The following CR1 variants were observed in gnomAD, a reference collection of about 807,000 sequenced individuals.
The protein encoded by CR1 is complement C3b/C4b receptor 1 (Knops blood group), also known as complement receptor type 1.
Under a neutral mutation model 187.3 loss-of-function variants are expected in CR1, and 116 were observed. The ratio of observed to expected loss-of-function variants is 0.62; its 90% confidence interval spans 0.53 to 0.72. The LOEUF is 0.72. Among genes scored for constraint, CR1 ranks in the 30% least tolerant of loss-of-function variants. CR1 has a pLI of 0.00. For missense variants in CR1, 1,731 were observed against 2,110.7 expected (o/e 0.82, Z 3.52); for synonymous variants, 576 against 747.1 (o/e 0.77, Z 3.73).
At chr1:207,582,141 C>A in intron 32 of CR1, 138 bp downstream of exon 32, 1 of 514,420 alleles carries the variant, frequency 1.9e-6, no homozygotes, top group Non-Finnish European at 3.5e-6. Flanking sequence ...GGAATAGATA[C>A]AAGCAATGTT....
At position 207,505,993 on chromosome 1, in the gene CR1, T is replaced by G. The variant is rs757833188; in HGVS notation, c.211T>G (p.Tyr71Asp). The stretch of plus-strand genomic sequence containing the variant: ...GTTTCCCATTGGGACATATCTGAAC[T>G]ATGAATGCCGCCCTGGTTATTCCGG... ...FEFPIGTYLNYECRPGYSGRP... is the reference protein window; with the variant it reads ...FEFPIGTYLNDECRPGYSGRP... Residue 71 changes from tyrosine to aspartate, a missense_variant, in exon 2 of 47, where the codon TAT becomes GAT. Physicochemically the swap from Tyr to Asp is radical, Grantham distance 160. Coordinates refer to ENST00000367049, the MANE Select transcript of CR1 (RefSeq NM_000651.6). 2 of 1,614,008 alleles carry G rather than the reference T, an allele frequency of 1.2e-6. No individual in the cohort carries two copies. The highest frequency in any genetic ancestry group is 1.7e-6 in the Non-Finnish European group (2 of 1,179,878).
At chr1:207,567,371 G>A (rs1341350556) in intron 24 of CR1, among the ~76,000 whole-genome samples, 4 of 149,154 alleles carry the variant, frequency 2.7e-5, no homozygotes, top group Non-Finnish European at 5.9e-5. Context: ...ATCAGTGAAA[G>A]GTTTCACCTA....
intron 46 of CR1, among the ~76,000 whole-genome samples, chr1:207,635,940 G>T (rs2102421098): frequency 6.6e-6 from 1 of 152,268 alleles, no homozygotes; most frequent in Middle Eastern, 3.4e-3. Flanking sequence ...GGAAGCACAG[G>T]GTTGGGGGTA....
intron 43 of CR1, 38 bp downstream of exon 43, chr1:207,620,103 C>T: frequency 6.3e-7 from 1 of 1,577,796 alleles, no homozygotes; most frequent in Non-Finnish European, 8.6e-7. Flanking sequence ...TCTTCCCGGT[C>T]ATGGTTATTG....
Position 207,523,946 on chromosome 1 carries a change from C to A in CR1, c.823C>A (p.Pro275Thr), listed in dbSNP as rs764103311. The change falls in exon 5 of 47, where the codon CCC (proline) becomes ACC (threonine). Residue 275 changes from proline to threonine, a missense_variant. By Grantham distance (38) the Pro-to-Thr change is conservative. Coordinates refer to ENST00000367049, the MANE Select transcript of CR1 (RefSeq NM_000651.6). ...RCQPGFVMKG[P>T]RRVKCQALNK... is the part of the protein sequence containing the mutation. Reference sequence around the variant, plus strand: ...TCAGCCTGGCTTTGTCATGAAAGGACCCCGCCGTGTGAAGTGCCAGGCCCT... The same window carrying A: ...TCAGCCTGGCTTTGTCATGAAAGGAACCCGCCGTGTGAAGTGCCAGGCCCT... The A allele has an allele frequency of 1.9e-5, 30 of 1,611,612 alleles. No homozygotes were observed. The highest frequency in any genetic ancestry group is 2.5e-5 in the Non-Finnish European group (30 of 1,179,720).
At chr1:207,599,028 T>C (rs1046598076) in intron 35 of CR1, 1 of 152,198 alleles carries the variant, frequency 6.6e-6, no homozygotes, top group Non-Finnish European at 1.5e-5. Context: ...CAGAGTGACA[T>C]ACGGGAGAAT....
chr1:207,630,033 T>C lies in CR1; in HGVS notation c.7353-484T>C, dbSNP rs1385778053. On this transcript the variant is annotated intron_variant, in intron 45 of 46. Transcript: ENST00000367049. ...AAAGTGAGTAAATATTTCTTTTTAC[T>C]GTTAGTTCTTAAATACCTTCATGAC... 2.0e-5 allele frequency among the ~76,000 whole-genome samples: 3 copies of C among 152,242 alleles called. No homozygotes were observed. The East Asian group carries it at 5.8e-4, about 29-fold the overall frequency.
chr1:207,582,521 T>C (rs1336995781), intron 32 of CR1, among the ~76,000 whole-genome samples: 2 of 152,224 alleles, frequency 1.3e-5, no homozygotes, highest in Non-Finnish European at 2.9e-5. Context: ...AATGTTCAAA[T>C]GATACTAAGT....
intron 46 of CR1, among the ~76,000 whole-genome samples, chr1:207,633,922 C>T (rs929179189): frequency 6.6e-6 from 1 of 152,042 alleles, no homozygotes; most frequent in Non-Finnish European, 1.5e-5. Context: ...GTCAACGGGG[C>T]TTTGTTCTCT....
intron 43 of CR1, among the ~76,000 whole-genome samples, 177 bp downstream of exon 43, chr1:207,620,242 T>G (rs766510488): frequency 6.6e-6 from 1 of 152,348 alleles, no homozygotes; most frequent in African/African-American, 2.4e-5. Flanking sequence ...CCAGACTTCC[T>G]CTTCTCATAC....
chr1:207,608,678 A>AG (rs561874601), intron 36 of CR1, among the ~76,000 whole-genome samples: 134 of 152,288 alleles, frequency 8.8e-4, no homozygotes, highest in African/African-American at 3.1e-3. Context: ...CACCTTTTGT[A>AG]GGGGGTTATC....
chr1:207,609,434 G>A lies in CR1; in HGVS notation c.6041G>A (p.Arg2014Gln), dbSNP rs200742776. The A allele has an allele frequency of 2.2e-5, 36 of 1,613,824 alleles. No homozygotes were observed. The highest frequency in any genetic ancestry group is 9.3e-5 in the African/African-American group (7 of 74,904). The change falls in exon 37 of 47, where the codon CGG becomes CAG. Residue 2014 changes from arginine to glutamine, a missense_variant. Arg to Gln is a conservative substitution (Grantham distance 43). Coordinates refer to ENST00000367049, the MANE Select transcript of CR1 (RefSeq NM_000651.6). ...CAGCTGTTTGAGCTTGTGGGAGAACGGTCAATATATTGCACCAGCAAAGAT... is the reference window on the plus strand; with the variant it reads ...CAGCTGTTTGAGCTTGTGGGAGAACAGTCAATATATTGCACCAGCAAAGAT... ...GEQLFELVGERSIYCTSKDDQ... is the reference protein window; with the variant it reads ...GEQLFELVGEQSIYCTSKDDQ...
At chr1:207,591,894 G>T (rs1001420478) in intron 35 of CR1, among the ~76,000 whole-genome samples, 9 of 152,098 alleles carry the variant, frequency 5.9e-5, no homozygotes, top group African/African-American at 2.2e-4. Context: ...GACTAAAACA[G>T]GAAGAAGTCG....
At chr1:207,496,419 C>A in intron 1 of CR1, 31 bp downstream of exon 1, 3 of 1,581,540 alleles carry the variant, frequency 1.9e-6, no homozygotes, top group South Asian at 1.1e-5. Context: ...GGGAGGCGCC[C>A]GGGCGGACGA....
chr1:207,566,093 T>C (rs1431306096), intron 24 of CR1, among the ~76,000 whole-genome samples, 170 bp downstream of exon 24: 1 of 150,416 alleles, frequency 6.6e-6, no homozygotes, highest in African/African-American at 2.5e-5. Context: ...ATCACCTGTC[T>C]TTGCAACCAT....
intron 35 of CR1, among the ~76,000 whole-genome samples, chr1:207,595,460 A>T (rs1390851215): frequency 6.6e-6 from 1 of 152,076 alleles, no homozygotes; most frequent in Non-Finnish European, 1.5e-5. Context: ...ATCCAAATAT[A>T]AAAAAATACT....
intron 35 of CR1, among the ~76,000 whole-genome samples, chr1:207,595,016 G>A (rs906326675): frequency 6.6e-6 from 1 of 151,976 alleles, no homozygotes; most frequent in African/African-American, 2.4e-5. Context: ...TAGAATCGAT[G>A]GAACTATATG....
At chr1:207,626,802 C>T (rs1413079998) in intron 45 of CR1, among the ~76,000 whole-genome samples, 1 of 152,176 alleles carries the variant, frequency 6.6e-6, no homozygotes, top group Non-Finnish European at 1.5e-5. Context: ...CTTTGGGAGG[C>T]TGAGGCGGGT....
intron 4 of CR1, among the ~76,000 whole-genome samples, chr1:207,520,594 T>C (rs1659946162): frequency 6.6e-6 from 1 of 152,154 alleles, no homozygotes. Context: ...AATAAAATCT[T>C]TACTGCCATC....
Sources: allele counts gnomAD v4.1 joint callset (sites outside exome capture counted in the v4.1 genomes callset), GRCh38; gene constraint gnomAD v4.1.1; transcripts MANE v1.5; gene names NCBI Gene and HGNC (gene_info 2026-07-23, HGNC 2026-07-21).